The following SREK1IP1 variants were observed in gnomAD, a reference collection of about 807,000 sequenced individuals.
The protein encoded by SREK1IP1 is protein SREK1IP1.
In SREK1IP1, 12 loss-of-function variants were observed where a neutral mutation model predicts 22.8. That is an observed-to-expected ratio of 0.53 (90% CI 0.34 to 0.85). The LOEUF is 0.85. Among genes scored for constraint, SREK1IP1 ranks in the 40% least tolerant of loss-of-function variants. The pLI is 0.02. For synonymous variants in SREK1IP1, 53 were observed against 52.7 expected, an observed-to-expected ratio of 1.01 and a Z score of -0.02; for missense variants, 147 against 171.8, an observed-to-expected ratio of 0.86 and a Z score of 0.81.
At chr5:64,762,930 C>CAA (rs10699548) in intron 1 of SREK1IP1, among the ~76,000 whole-genome samples, 8,793 of 152,026 alleles carry the variant, frequency 0.058, 861 homozygotes, top group African/African-American at 0.2. Flanking sequence ...TGGATGCCTG[C>CAA]AATCTCAGCT....
chr5:64,744,071 G>A (rs1277948450), intron 2 of SREK1IP1, among the ~76,000 whole-genome samples: 1 of 152,156 alleles, frequency 6.6e-6, no homozygotes. Flanking sequence ...ACACAAGCAT[G>A]TGCATTAAGA....
At chr5:64,747,547 C>A (rs906203113) in intron 2 of SREK1IP1, among the ~76,000 whole-genome samples, 2 of 152,150 alleles carry the variant, frequency 1.3e-5, no homozygotes, top group Middle Eastern at 3.4e-3. Context: ...AGGGAAAATA[C>A]GAGTGTTGGC....
In SREK1IP1 at chr5:64,768,590, A is replaced by C; in HGVS notation, c.-73T>G. The stretch of plus-strand genomic sequence containing the variant: ...CTTGCTTCCCGCCAGCTGTGAGAAC[A>C]AGGCACAGTCAAAGCGGCGTTTTCC... On this transcript the variant is annotated 5_prime_UTR_variant, in exon 1 of 5. Coordinates refer to ENST00000513458, the MANE Select transcript of SREK1IP1 (RefSeq NM_173829.4). 6.2e-7 allele frequency: 1 copy of C among 1,610,582 alleles called. No individual in the cohort carries two copies. The highest frequency in any genetic ancestry group is 8.5e-7 in the Non-Finnish European group (1 of 1,177,568).
chr5:64,768,478 C>T (rs775067702), intron 1 of SREK1IP1, 27 bp downstream of exon 1: 1 of 1,613,984 alleles, frequency 6.2e-7, no homozygotes, highest in Admixed American at 1.7e-5. Context: ...GGAGCTCGGA[C>T]GCAGAGGCCC....
Position 64,768,625 on chromosome 5 carries a change from C to CGCA in SREK1IP1, c.-111_-109dup. The CGCA allele has an allele frequency of 6.6e-7, 1 of 1,507,062 alleles. No homozygotes were observed. Among genetic ancestry groups the CGCA allele is most frequent in the South Asian group, 1.1e-5 (1 of 87,056 alleles). 93.4% of individuals were successfully genotyped at this position (1,507,062 alleles called of 1,614,324 possible). ...CAAAGCGGCGTTTTCCTTCCCCCAG[C>CGCA]GCAGCAGCACCCTCGCTACGGTCGG... On this transcript the variant is annotated 5_prime_UTR_variant, in exon 1 of 5. Coordinates refer to ENST00000513458, the MANE Select transcript of SREK1IP1 (RefSeq NM_173829.4).
intron 2 of SREK1IP1, 66 bp downstream of exon 2, chr5:64,754,249 A>G (rs1347098486): frequency 8.7e-6 from 13 of 1,500,314 alleles, no homozygotes; most frequent in Middle Eastern, 1.7e-4. Flanking sequence ...GCTACATTAT[A>G]TTGCCCAAAG....
intron 3 of SREK1IP1, 52 bp from the exon 4 acceptor site, chr5:64,728,231 T>C (rs1168605779): frequency 2.3e-6 from 3 of 1,287,222 alleles, no homozygotes; most frequent in Non-Finnish European, 3.0e-6. Context: ...TGATTCTATA[T>C]ATTAATATGG....
intron 2 of SREK1IP1, among the ~76,000 whole-genome samples, chr5:64,741,646 G>A (rs1305246946): frequency 6.6e-6 from 1 of 151,764 alleles, no homozygotes; most frequent in African/African-American, 2.4e-5. Context: ...ATTAAAGTTG[G>A]CATAATAATA....
At chr5:64,750,126 A>T (rs1408129673) in intron 2 of SREK1IP1, among the ~76,000 whole-genome samples, 1 of 152,062 alleles carries the variant, frequency 6.6e-6, no homozygotes, top group Non-Finnish European at 1.5e-5. Flanking sequence ...GTTGTTGGAT[A>T]GCTTTTCTGG....
At chr5:64,768,124 T>C (rs1743087431) in intron 1 of SREK1IP1, among the ~76,000 whole-genome samples, 1 of 152,002 alleles carries the variant, frequency 6.6e-6, no homozygotes, top group South Asian at 2.1e-4. Flanking sequence ...AAACGATGCC[T>C]CCGGTTACCT....
chr5:64,731,198 T>C (rs576943404), intron 3 of SREK1IP1, among the ~76,000 whole-genome samples: 1 of 152,164 alleles, frequency 6.6e-6, no homozygotes, highest in Non-Finnish European at 1.5e-5. Flanking sequence ...TAGGGTGTTG[T>C]CAGGTCATTC....
chr5:64,745,464 C>T (rs962354753), intron 2 of SREK1IP1, among the ~76,000 whole-genome samples: 2 of 151,958 alleles, frequency 1.3e-5, no homozygotes, highest in Non-Finnish European at 1.5e-5. Context: ...TGGTGCATGC[C>T]TGTAATTCCA....
rs1305935510 is a variant in SREK1IP1 at position 64,718,657 on chromosome 5, C to T, written c.*5727G>A. ...ACAAAACAAATGAGTTCTCTGGTCC[C>T]ACCTAATGCTATCACATTAATACCA... On this transcript the variant is annotated 3_prime_UTR_variant, in exon 5 of 5. Coordinates refer to ENST00000513458, the MANE Select transcript of SREK1IP1 (RefSeq NM_173829.4). 2 of 152,008 alleles carry T rather than the reference C, an allele frequency of 1.3e-5. No homozygotes were observed. Among genetic ancestry groups the T allele is most frequent in the African/African-American group, 4.8e-5 (2 of 41,404 alleles). The allele number at this position is 152,008 out of a possible 1,614,324, so 9.4% of individuals were successfully genotyped here. A position where few individuals can be genotyped will look rare whatever the true frequency, so the allele number is the denominator to read the frequency against.
At chr5:64,757,857 CTATCTT>C (rs2112111832) in intron 1 of SREK1IP1, among the ~76,000 whole-genome samples, 1 of 124,484 alleles carries the variant, frequency 8.0e-6, no homozygotes, top group African/African-American at 3.1e-5. Flanking sequence ...TATTAGGTTC[CTATCTT>C]TTTTTTTTTT....
intron 2 of SREK1IP1, among the ~76,000 whole-genome samples, chr5:64,742,099 C>T (rs1385950536): frequency 6.6e-6 from 1 of 151,900 alleles, no homozygotes; most frequent in African/African-American, 2.4e-5. Context: ...ATACCTATAC[C>T]TGCAATTTTT....
intron 1 of SREK1IP1, among the ~76,000 whole-genome samples, chr5:64,760,022 C>T (rs1313871692): frequency 6.6e-6 from 1 of 152,124 alleles, no homozygotes; most frequent in African/African-American, 2.4e-5. Context: ...TGCATACTGA[C>T]TTATGTACAA....
intron 2 of SREK1IP1, among the ~76,000 whole-genome samples, chr5:64,749,115 T>C (rs1305771548): frequency 6.7e-6 from 1 of 148,232 alleles, no homozygotes; most frequent in Non-Finnish European, 1.5e-5. Flanking sequence ...ATAAAAACCC[T>C]CCAGTTTCAT....
At chr5:64,733,447 C>T (rs1742410786) in intron 3 of SREK1IP1, among the ~76,000 whole-genome samples, 1 of 152,158 alleles carries the variant, frequency 6.6e-6, no homozygotes, top group Non-Finnish European at 1.5e-5. Flanking sequence ...CATCATTAGC[C>T]ATTAGGAAAA....
chr5:64,764,535 A>G (rs922051470), intron 1 of SREK1IP1, among the ~76,000 whole-genome samples: 1 of 152,198 alleles, frequency 6.6e-6, no homozygotes, highest in Non-Finnish European at 1.5e-5. Context: ...AAGAGTAGAA[A>G]GAGTGATTTG....
Sources: allele counts gnomAD v4.1 joint callset (sites outside exome capture counted in the v4.1 genomes callset), GRCh38; gene constraint gnomAD v4.1.1; transcripts MANE v1.5; gene names NCBI Gene and HGNC (gene_info 2026-07-23, HGNC 2026-07-21).